Variants in EPHB1 observed in about 807,000 individuals in gnomAD.
The protein encoded by EPHB1 is ephrin type-B receptor 1.
Under a neutral mutation model 94.4 loss-of-function variants are expected in EPHB1, and 30 were observed. The observed-to-expected ratio is 0.32, with a 90% CI of 0.24 to 0.43. The LOEUF is 0.43. Among genes scored for constraint, EPHB1 ranks in the 20% least tolerant of loss-of-function variants. The probability of loss-of-function intolerance (pLI) is 1.00; values close to 1 mark genes in which losing one functional copy is unlikely to be tolerated. For synonymous variants in EPHB1, 522 were observed against 489.1 expected (o/e 1.07, Z -0.89); for missense variants, 1,055 against 1,308.3 (o/e 0.81, Z 2.99).
rs1251332617 is a variant in EPHB1 at position 134,983,909 on chromosome 3, G to C, written c.805+31857G>C. Among the ~76,000 whole-genome samples, 6 of 152,256 alleles carry C rather than the reference G, an allele frequency of 3.9e-5. 1 individual carries two copies. The highest frequency in any genetic ancestry group is 3.9e-4 in the Admixed American group (6 of 15,300). ...CATGCTGTGTGATGGCTGCATCTTT[G>C]GTCCCCGCAATTCATCTGCAAAGTA... On this transcript the variant is annotated intron_variant, in intron 3 of 15. Transcript: ENST00000398015.
chr3:134,952,624 T>A (rs1405541739), intron 3 of EPHB1, among the ~76,000 whole-genome samples: 1 of 152,198 alleles, frequency 6.6e-6, no homozygotes, highest in Non-Finnish European at 1.5e-5. Flanking sequence ...TAGGGGCTCA[T>A]TGCCAGGCCC....
At chr3:134,803,677 A>G (rs1251388205) in intron 1 of EPHB1, among the ~76,000 whole-genome samples, 1 of 152,028 alleles carries the variant, frequency 6.6e-6, no homozygotes, top group African/African-American at 2.4e-5. Flanking sequence ...TTTTTCTCCC[A>G]TTTTACAGAT....
chr3:135,097,122 A>G (rs1424449647), intron 3 of EPHB1, among the ~76,000 whole-genome samples: 1 of 150,044 alleles, frequency 6.7e-6, no homozygotes, highest in East Asian at 1.9e-4. Context: ...AAAAGAAAAA[A>G]AATTACATTC....
chr3:134,937,955 C>A (rs1027085136), intron 2 of EPHB1, among the ~76,000 whole-genome samples: 5 of 147,644 alleles, frequency 3.4e-5, no homozygotes, highest in Non-Finnish European at 5.9e-5. Flanking sequence ...TTTTCTGGAC[C>A]TCCTTGTTAT....
Position 134,890,132 on chromosome 3 carries a change from C to A in EPHB1, c.59-35684C>A, listed in dbSNP as rs1022258176. 4.6e-5 allele frequency among the ~76,000 whole-genome samples: 7 copies of A among 152,274 alleles called. No individual in the cohort carries two copies. In the East Asian group the frequency reaches 1.2e-3, roughly 25 times the overall value. ...TCCACCTCTCCTCAGTCACTACCCC[C>A]CCTTCCACCAGGGGTACCCACTGAC... On this transcript the variant is annotated intron_variant, in intron 1 of 15. Transcript: ENST00000398015.
chr3:135,242,446 A>G (rs1943809468), intron 13 of EPHB1, among the ~76,000 whole-genome samples: 1 of 152,184 alleles, frequency 6.6e-6, no homozygotes, highest in Admixed American at 6.5e-5. Flanking sequence ...GTTTAGTGCC[A>G]TGGCAGCTGC....
chr3:134,880,937 G>T (rs2037718748), intron 1 of EPHB1, among the ~76,000 whole-genome samples: 1 of 152,220 alleles, frequency 6.6e-6, no homozygotes, highest in South Asian at 2.1e-4. Context: ...CATGGCCAAG[G>T]GTTCTGGGAG....
In EPHB1 at chr3:135,238,989, G is replaced by A. The variant is rs898950454; in HGVS notation, c.2347-2159G>A. Among the ~76,000 whole-genome samples, 32 of 152,324 alleles carry A rather than the reference G, an allele frequency of 2.1e-4. No individual in the cohort carries two copies. In the Middle Eastern group the frequency reaches 0.01, roughly 49 times the overall value. Reference sequence around the variant, plus strand: ...GAATTCTTCACCTCTCTTCCCAGCCGTGGGGAACATGTTGATAAAACCAGT... The same window carrying A: ...GAATTCTTCACCTCTCTTCCCAGCCATGGGGAACATGTTGATAAAACCAGT... On this transcript the variant is annotated intron_variant, in intron 12 of 15. Transcript: ENST00000398015.
chr3:134,946,252 G>T (rs1455790274), intron 2 of EPHB1, among the ~76,000 whole-genome samples: 2 of 152,208 alleles, frequency 1.3e-5, no homozygotes, highest in South Asian at 4.1e-4. Flanking sequence ...TAAAAGCTCG[G>T]CTCTGATCGC....
intron 1 of EPHB1, among the ~76,000 whole-genome samples, chr3:134,845,585 AG>A (rs1382575934): frequency 1.3e-5 from 2 of 151,392 alleles, no homozygotes; most frequent in African/African-American, 4.9e-5. Context: ...CGTGGCTTCG[AG>A]GTCTCTGATC....
intron 3 of EPHB1, among the ~76,000 whole-genome samples, chr3:135,024,277 G>A (rs866265207): frequency 6.6e-6 from 1 of 152,120 alleles, no homozygotes; most frequent in Non-Finnish European, 1.5e-5. Context: ...CAAGAGACTC[G>A]GGAAAAATAT....
chr3:135,202,338 C>T (rs1942780562), intron 12 of EPHB1, among the ~76,000 whole-genome samples: 1 of 152,180 alleles, frequency 6.6e-6, no homozygotes, highest in African/African-American at 2.4e-5. Flanking sequence ...CAGTAGTTGG[C>T]ACCACTTAAC....
chr3:134,910,377 C>T (rs2038426892), intron 1 of EPHB1, among the ~76,000 whole-genome samples: 1 of 152,194 alleles, frequency 6.6e-6, no homozygotes, highest in Non-Finnish European at 1.5e-5. Context: ...GGGAGCTCTA[C>T]CTGGATCGTC....
At chr3:135,195,539 G>A (rs1229053261) in intron 11 of EPHB1, among the ~76,000 whole-genome samples, 3 of 149,594 alleles carry the variant, frequency 2.0e-5, no homozygotes, top group African/African-American at 7.5e-5. Flanking sequence ...CTGTGTCCAT[G>A]TGATCTCATT....
At chr3:134,879,036 A>G (rs950941864) in intron 1 of EPHB1, among the ~76,000 whole-genome samples, 4 of 152,214 alleles carry the variant, frequency 2.6e-5, no homozygotes, top group African/African-American at 7.2e-5. Context: ...TGAAAGGGGC[A>G]TGCCACTCCA....
chr3:135,063,459 A>G (rs1937541688), intron 3 of EPHB1, among the ~76,000 whole-genome samples: 1 of 151,818 alleles, frequency 6.6e-6, no homozygotes, highest in South Asian at 2.1e-4. Flanking sequence ...CTATTGTAAA[A>G]GGGATTGAAT....
intron 1 of EPHB1, among the ~76,000 whole-genome samples, chr3:134,866,694 T>C (rs952003072): frequency 1.3e-5 from 2 of 152,240 alleles, no homozygotes; most frequent in Admixed American, 1.3e-4. Context: ...TTGCAGGACA[T>C]GCAGCAACAT....
intron 9 of EPHB1, among the ~76,000 whole-genome samples, chr3:135,174,050 T>C (rs995872369): frequency 3.3e-5 from 5 of 152,166 alleles, no homozygotes; most frequent in African/African-American, 1.2e-4. Flanking sequence ...AAAACTGTTA[T>C]CTTACACCTG....
intron 3 of EPHB1, among the ~76,000 whole-genome samples, chr3:135,077,997 T>C (rs1382664551): frequency 6.6e-6 from 1 of 152,226 alleles, no homozygotes; most frequent in Non-Finnish European, 1.5e-5. Flanking sequence ...CTTCACAAAA[T>C]CTTTTGAAGT....
Sources: gnomAD v4.1 joint callset for allele counts (sites outside exome capture counted in the v4.1 genomes callset) on GRCh38, gnomAD v4.1.1 for gene constraint, MANE v1.5 for transcripts, NCBI Gene and HGNC (gene_info 2026-07-23, HGNC 2026-07-21) for gene names.